The following SENP2 variants were observed in gnomAD, a reference collection of about 807,000 sequenced individuals.
The protein encoded by SENP2 is SUMO specific peptidase 2, also known as sentrin-specific protease 2.
In SENP2, 16 loss-of-function variants were observed where a neutral mutation model predicts 86.3. The observed-to-expected ratio is 0.19, with a 90% CI of 0.13 to 0.28. SENP2 has a LOEUF of 0.28. Ranked by LOEUF, SENP2 falls within the 10% of genes least tolerant of loss-of-function variation. The pLI, the probability that SENP2 is intolerant of heterozygous loss-of-function variation, is 1.00. For synonymous variants in SENP2, 222 were observed against 238.7 expected (o/e 0.93, Z 0.64); for missense variants, 552 against 703.0 (o/e 0.79, Z 2.43).
rs754753036 is a variant in SENP2, at chr3:185,633,071, C to G, written c.*3227C>G. ...CCTCAGTTACCGAAGGCTATTAGAA[C>G]CTCTGAATTTTTCCTCCTCTGAAAT... On this transcript the variant is annotated 3_prime_UTR_variant, in exon 17 of 17. Transcript: ENST00000296257. The G allele has an allele frequency of 2.0e-5, 3 of 152,180 alleles. No individual in the cohort carries two copies. The highest frequency in any genetic ancestry group is 2.0e-4 in the Admixed American group (3 of 15,274). 9.4% of individuals were successfully genotyped at this position (152,180 alleles called of 1,614,324 possible). A position where few individuals can be genotyped will look rare whatever the true frequency, so the allele number is the denominator to read the frequency against.
intron 6 of SENP2, chr3:185,609,039 A>G: frequency 2.4e-6 from 1 of 412,816 alleles, no homozygotes. Context: ...TGGCCCATCT[A>G]AATGGGATAG....
intron 15 of SENP2, among the ~76,000 whole-genome samples, chr3:185,624,627 G>A (rs1420629178): frequency 1.3e-5 from 2 of 152,040 alleles, no homozygotes; most frequent in East Asian, 1.9e-4. Context: ...TGTAATCCCA[G>A]CACTTTGGGA....
chr3:185,610,851 G>T (rs1312929453), intron 7 of SENP2, among the ~76,000 whole-genome samples: 1 of 152,190 alleles, frequency 6.6e-6, no homozygotes, highest in Admixed American at 6.5e-5. Context: ...CCACCTACTC[G>T]GGAGGCTGAG....
At chr3:185,627,562 G>A (rs1410593993) in intron 16 of SENP2, among the ~76,000 whole-genome samples, 2 of 152,004 alleles carry the variant, frequency 1.3e-5, no homozygotes, top group East Asian at 1.9e-4. Flanking sequence ...ACAGGCATGC[G>A]CCACCATGCC....
At chr3:185,601,692 T>G (rs1722352320) in intron 5 of SENP2, among the ~76,000 whole-genome samples, 1 of 149,626 alleles carries the variant, frequency 6.7e-6, no homozygotes, top group Non-Finnish European at 1.5e-5. Context: ...CCAGGCAGTT[T>G]GGTGGCACAG....
At chr3:185,619,008 T>C (rs1392306490) in intron 12 of SENP2, among the ~76,000 whole-genome samples, 1 of 152,252 alleles carries the variant, frequency 6.6e-6, no homozygotes, top group Non-Finnish European at 1.5e-5. Flanking sequence ...TTTCTGCGTA[T>C]TTTTGGTGTG....
intron 5 of SENP2, among the ~76,000 whole-genome samples, chr3:185,605,371 A>G (rs942142055): frequency 4.7e-5 from 7 of 149,062 alleles, no homozygotes; most frequent in African/African-American, 1.5e-4. Context: ...AACTTCGTCG[A>G]AAAAAAAAAG....
At chr3:185,591,421 G>A (rs932326923) in intron 2 of SENP2, among the ~76,000 whole-genome samples, 2 of 151,834 alleles carry the variant, frequency 1.3e-5, no homozygotes, top group Non-Finnish European at 2.9e-5. Context: ...GTGCAATCTC[G>A]ACTCACTGCA....
intron 4 of SENP2, among the ~76,000 whole-genome samples, chr3:185,599,809 CTTT>C (rs63047860): frequency 3.0e-5 from 4 of 132,000 alleles, no homozygotes; most frequent in Non-Finnish European, 1.6e-5. Flanking sequence ...TTCTTTCTTT[CTTT>C]TTTTTTTTTT....
chr3:185,622,816 G>T (rs868446289), intron 14 of SENP2, among the ~76,000 whole-genome samples: 12 of 131,762 alleles, frequency 9.1e-5, no homozygotes, highest in African/African-American at 2.3e-4. Flanking sequence ...TTACATTCAT[G>T]CTTTTTTTTT....
chr3:185,600,671 G>A (rs1722315598), intron 4 of SENP2, 94 bp from the exon 5 acceptor site: 3 of 760,502 alleles, frequency 3.9e-6, no homozygotes, highest in Non-Finnish European at 4.6e-6. Context: ...TTAGCTCTAT[G>A]ATGTAGGTTG....
At position 185,613,365 on chromosome 3, in the gene SENP2, C is replaced by T. The variant is rs1445332818; in HGVS notation, c.890C>T (p.Thr297Ile). The T allele has an allele frequency of 6.3e-7, 1 of 1,595,474 alleles. No homozygotes were observed. Among genetic ancestry groups the T allele is most frequent in the South Asian group, 1.1e-5 (1 of 89,504 alleles). The change falls in exon 10 of 17, where the codon ACT (threonine) becomes ATT (isoleucine). Residue 297 changes from threonine (T) to isoleucine (I), a missense_variant. Around this residue, in one of 2 missense-constraint regions of SENP2, gnomAD observed 383 missense variants for 427.3 expected, o/e 0.90. Coordinates refer to ENST00000296257, the MANE Select transcript of SENP2 (RefSeq NM_021627.3). ...CTTAGGTGTTCAAAGGGGAAAATTA[C>T]TGATACAGAGACGATGGTCGGAATC... The part of the protein sequence containing the change: ...SEKRCSKGKI[T>I]DTETMVGIRF...
At chr3:185,613,138 C>T (rs1354545105) in intron 9 of SENP2, among the ~76,000 whole-genome samples, 1 of 152,200 alleles carries the variant, frequency 6.6e-6, no homozygotes, top group Non-Finnish European at 1.5e-5. Context: ...GCAGAGTTGC[C>T]ACGATGTGCC....
chr3:185,586,809 A>G lies in SENP2; in HGVS notation c.101+295A>G, dbSNP rs1364236119. 6.6e-6 allele frequency among the ~76,000 whole-genome samples: 1 copy of G among 152,084 alleles called. No homozygotes were observed. Among genetic ancestry groups the G allele is most frequent in the Admixed American group, 6.5e-5 (1 of 15,276 alleles). ...TAGGCTGAACACTAACATTGAAGGA[A>G]TACTGTCTTTGTTGTGGCTCACTGT... On this transcript the variant is annotated intron_variant, in intron 1 of 16. Coordinates refer to ENST00000296257, the MANE Select transcript of SENP2 (RefSeq NM_021627.3). This position sits in a 1 kb window ranked among gnomAD's most constrained non-coding sequence, Gnocchi z 4.3.
chr3:185,595,591 T>C (rs1033403779), intron 2 of SENP2, among the ~76,000 whole-genome samples: 4 of 152,220 alleles, frequency 2.6e-5, no homozygotes, highest in African/African-American at 9.6e-5. Flanking sequence ...TATCTTTCTC[T>C]AAAGCAGAAT....
rs766742687 is a variant in SENP2 at position 185,624,005 on chromosome 3, T to G, written c.1534T>G (p.Leu512Val). 1 of 1,606,556 alleles carries G rather than the reference T, an allele frequency of 6.2e-7. No individual in the cohort carries two copies. The highest frequency in any genetic ancestry group is 1.1e-5 in the South Asian group (1 of 90,472). ...HRICEILLQY[L>V]QDESKTKRNS... is the part of the protein sequence containing the mutation. ...CTTTGTTTTGCTTTTTAGTCAGTAT[T>G]TACAGGATGAAAGTAAGACCAAAAG... The change falls in exon 15 of 17, where the codon TTA becomes GTA. Residue 512 changes from leucine to valine, a missense_variant. Physicochemically the swap from Leu to Val is conservative, Grantham distance 32. Coordinates refer to ENST00000296257, the MANE Select transcript of SENP2 (RefSeq NM_021627.3).
At chr3:185,629,049 G>A (rs955938704) in intron 16 of SENP2, among the ~76,000 whole-genome samples, 1 of 152,172 alleles carries the variant, frequency 6.6e-6, no homozygotes, top group Non-Finnish European at 1.5e-5. Context: ...AATTGGCAAT[G>A]TACAACGCCT....
intron 2 of SENP2, among the ~76,000 whole-genome samples, chr3:185,593,012 A>G (rs1293910292): frequency 6.6e-6 from 1 of 152,260 alleles, no homozygotes; most frequent in African/African-American, 2.4e-5. Context: ...ATAAAAAATA[A>G]AAAAACAAAG....
chr3:185,598,443 C>T lies in SENP2; in HGVS notation c.189C>T (p.Leu63=). 11 of 1,614,132 alleles carry T rather than the reference C, an allele frequency of 6.8e-6. No homozygotes were observed. Among genetic ancestry groups the T allele is most frequent in the Non-Finnish European group, 9.3e-6 (11 of 1,179,970 alleles). The change falls in exon 3 of 17, where the codon CTC becomes CTT. Residue 63 remains leucine, a synonymous_variant. Coordinates refer to ENST00000296257, the MANE Select transcript of SENP2 (RefSeq NM_021627.3). ...TTATTCACCAAGTGAAAAACAGTCT[C>T]TACAATGCTGCCAGCTTATTTGGAT... ...DCFIHQVKNS[L]YNAASLFGFP... is the part of the protein sequence containing the mutation.
Sources: allele counts gnomAD v4.1 joint callset (sites outside exome capture counted in the v4.1 genomes callset), GRCh38; gene constraint gnomAD v4.1.1; regional missense constraint gnomAD v4.1.1; non-coding constraint Gnocchi (gnomAD v3.1); transcripts MANE v1.5; gene names NCBI Gene and HGNC (gene_info 2026-07-23, HGNC 2026-07-21).